The following SORBS2 variants were observed in gnomAD, a reference collection of about 807,000 sequenced individuals.
SORBS2 encodes the protein sorbin and SH3 domain-containing protein 2.
SORBS2 carries 46 observed loss-of-function variants against 97.7 expected under a neutral mutation model. The ratio of observed to expected loss-of-function variants is 0.47; its 90% CI spans 0.37 to 0.60. SORBS2 has a LOEUF of 0.60. Ranked by LOEUF, SORBS2 falls within the 20% of genes least tolerant of loss-of-function variation. SORBS2 has a pLI of 0.00. For missense variants in SORBS2, 1,316 were observed against 1,282.3 expected (o/e 1.03, Z -0.40); for synonymous variants, 476 against 473.4 (o/e 1.01, Z -0.07).
intron 1 of SORBS2, among the ~76,000 whole-genome samples, chr4:185,810,231 A>G (rs1021746436): frequency 6.6e-6 from 1 of 152,138 alleles, no homozygotes; most frequent in African/African-American, 2.4e-5. Context: ...TTATATTTTG[A>G]CTATTTTGAC....
chr4:185,633,387 T>C (rs546398111), intron 4 of SORBS2, among the ~76,000 whole-genome samples: 2 of 152,122 alleles, frequency 1.3e-5, no homozygotes, highest in East Asian at 3.9e-4. Context: ...TAACATATGC[T>C]ATTAGAATCA....
chr4:185,602,276 G>T (rs2096281238), intron 12 of SORBS2, among the ~76,000 whole-genome samples: 1 of 152,118 alleles, frequency 6.6e-6, no homozygotes, highest in South Asian at 2.1e-4. Context: ...TCAAAGTGCT[G>T]GGATTACAGG....
At chr4:185,598,304 A>T (rs1000856101) in intron 12 of SORBS2, among the ~76,000 whole-genome samples, 4 of 131,496 alleles carry the variant, frequency 3.0e-5, no homozygotes, top group Admixed American at 3.0e-4. Context: ...TGTAGCCCTG[A>T]CTATGTAAGT....
chr4:185,721,462 T>C (rs2098514118), intron 2 of SORBS2, among the ~76,000 whole-genome samples: 1 of 152,124 alleles, frequency 6.6e-6, no homozygotes, highest in African/African-American at 2.4e-5. Context: ...TGCCCTACCT[T>C]CCTAAGCAAA....
At chr4:185,743,195 G>A (rs751360547) in intron 2 of SORBS2, among the ~76,000 whole-genome samples, 15 of 151,498 alleles carry the variant, frequency 9.9e-5, no homozygotes, top group Non-Finnish European at 1.8e-4. Flanking sequence ...TTATTTTTTC[G>A]TGGCATCCTA....
chr4:185,942,292 T>A (rs189455386), intron 1 of SORBS2, among the ~76,000 whole-genome samples: 40 of 152,280 alleles, frequency 2.6e-4, no homozygotes, highest in African/African-American at 9.6e-4. Context: ...GAAAGCACTT[T>A]TTGCAGTCCT....
At chr4:185,667,056 T>G (rs2097617266) in intron 4 of SORBS2, among the ~76,000 whole-genome samples, 1 of 152,232 alleles carries the variant, frequency 6.6e-6, no homozygotes, top group South Asian at 2.1e-4. Flanking sequence ...TGGATGACGT[T>G]TGACCACACG....
At chr4:185,658,146 T>C (rs58535392), upstream of SORBS2, among the ~76,000 whole-genome samples, 478 of 152,288 alleles carry the variant, frequency 3.1e-3, 8 homozygotes, top group East Asian at 0.063. Context: ...CTTAAAAAAA[T>C]CTTCACATCC....
chr4:185,899,153 C>T (rs985286942), intron 1 of SORBS2, among the ~76,000 whole-genome samples: 5 of 152,126 alleles, frequency 3.3e-5, no homozygotes, highest in African/African-American at 1.2e-4. Context: ...TGGTGCTGCC[C>T]GGTACAGCCC....
At chr4:185,663,353 G>A (rs1403962600) in intron 4 of SORBS2, among the ~76,000 whole-genome samples, 1 of 152,118 alleles carries the variant, frequency 6.6e-6, no homozygotes. Flanking sequence ...TAAAGCAAAT[G>A]GGTTTTCAAA....
chr4:185,692,693 C>T (rs768978798), intron 2 of SORBS2, among the ~76,000 whole-genome samples: 2 of 152,188 alleles, frequency 1.3e-5, no homozygotes, highest in East Asian at 3.9e-4. Flanking sequence ...AAGAAAATAA[C>T]ATTAAAAATA....
chr4:185,941,222 A>C (rs2099271827), intron 1 of SORBS2, among the ~76,000 whole-genome samples: 1 of 152,196 alleles, frequency 6.6e-6, no homozygotes, highest in Non-Finnish European at 1.5e-5. Flanking sequence ...AACCATATAA[A>C]ATGGGTCCTA....
chr4:185,593,692 T>C (rs1024581012), intron 13 of SORBS2, 194 bp downstream of exon 25: 8 of 549,894 alleles, frequency 1.5e-5, no homozygotes, highest in African/African-American at 7.8e-5. Flanking sequence ...CAGAGAACTA[T>C]GGGTTCTTTT....
At chr4:185,649,527 G>A (rs1272014211) in exon 3 of SORBS2, 5 of 1,604,546 alleles carry the variant, frequency 3.1e-6, no homozygotes, top group Non-Finnish European at 3.4e-6. Flanking sequence ...AACATGTGGG[G>A]GAGGCACTGG....
chr4:185,950,947 T>C (rs1208119980), intron 1 of SORBS2, among the ~76,000 whole-genome samples: 1 of 152,162 alleles, frequency 6.6e-6, no homozygotes, highest in Non-Finnish European at 1.5e-5. Flanking sequence ...ATTTCCCCTG[T>C]GCTGCTGGTA....
At chr4:185,662,015 G>A (rs781058306) in intron 5 of SORBS2, 89 bp downstream of exon 8, 39 of 1,457,792 alleles carry the variant, frequency 2.7e-5, no homozygotes, top group South Asian at 5.1e-5. Context: ...GAGCGCTCCC[G>A]CCTCACCTTG....
chr4:185,604,076 T>A (rs2096345999), intron 12 of SORBS2, among the ~76,000 whole-genome samples: 1 of 152,222 alleles, frequency 6.6e-6, no homozygotes, highest in Non-Finnish European at 1.5e-5. Context: ...ATGCTTCTCA[T>A]GCTGACGGCC....
intron 1 of SORBS2, among the ~76,000 whole-genome samples, chr4:185,842,085 A>T (rs916562292): frequency 6.6e-6 from 1 of 152,220 alleles, no homozygotes; most frequent in African/African-American, 2.4e-5. Flanking sequence ...AGGAGAAATA[A>T]GTGATATAAG....
intron 1 of SORBS2, among the ~76,000 whole-genome samples, chr4:185,902,493 G>A (rs548431331): frequency 6.6e-6 from 1 of 152,202 alleles, no homozygotes; most frequent in Non-Finnish European, 1.5e-5. Flanking sequence ...ATCTTAAGGT[G>A]AGGGCATTTT....
Sources: gnomAD v4.1 joint callset for allele counts (sites outside exome capture counted in the v4.1 genomes callset) on GRCh38, gnomAD v4.1.1 for gene constraint, MANE v1.5 for transcripts, NCBI Gene and HGNC (gene_info 2026-07-23, HGNC 2026-07-21) for gene names.